Variants in PID1 observed in about 807,000 individuals in gnomAD.
PID1 encodes the protein phosphotyrosine interaction domain containing 1, also known as PTB-containing, cubilin and LRP1-interacting protein.
Under a neutral mutation model 19.1 loss-of-function variants are expected in PID1, and 10 were observed. That is an observed-to-expected ratio of 0.52 (90% confidence interval 0.32 to 0.89). The LOEUF is 0.89. Among genes scored for constraint, PID1 ranks in the 40% least tolerant of loss-of-function variants. The pLI, the probability that PID1 is intolerant of heterozygous loss-of-function variation, is 0.03. For missense variants in PID1, 248 were observed against 285.3 expected, an observed-to-expected ratio of 0.87 and a Z score of 0.94; for synonymous variants, 130 against 116.0, an observed-to-expected ratio of 1.12 and a Z score of -0.78.
chr2:229,067,150 C>A (rs1425375928), intron 2 of PID1, among the ~76,000 whole-genome samples: 1 of 152,000 alleles, frequency 6.6e-6, no homozygotes, highest in Non-Finnish European at 1.5e-5. Flanking sequence ...GGAAAATCCC[C>A]TTACAAAACC....
chr2:229,120,372 T>TA (rs1161054082), intron 2 of PID1, among the ~76,000 whole-genome samples: 1 of 152,012 alleles, frequency 6.6e-6, no homozygotes, highest in Non-Finnish European at 1.5e-5. Context: ...GAAATGCTAT[T>TA]AAAAAATCAT....
chr2:229,256,836 C>T (rs889231037), intron 1 of PID1, among the ~76,000 whole-genome samples: 8 of 152,302 alleles, frequency 5.3e-5, no homozygotes, highest in South Asian at 2.1e-4. Flanking sequence ...TTAACATTCA[C>T]GGCAACCAGG....
Position 229,250,628 on chromosome 2 carries a change from C to T in PID1, c.30+20386G>A, listed in dbSNP as rs553528165. ...CTCGTTTTCCTTATTGACAGAACTC[C>T]GATTTGGTTGGGGGCAAAAAAGTGC... On this transcript the variant is annotated intron_variant, in intron 1 of 2. Coordinates refer to ENST00000392055, the MANE Select transcript of PID1 (RefSeq NM_001100818.2). Among the ~76,000 whole-genome samples the T allele has an allele frequency of 7.4e-4, 112 of 152,274 alleles. No homozygotes were observed. The Middle Eastern group carries it at 0.02, about 28-fold the overall frequency.
chr2:229,235,341 A>G (rs1692302052), intron 1 of PID1, among the ~76,000 whole-genome samples: 1 of 152,216 alleles, frequency 6.6e-6, no homozygotes, highest in African/African-American at 2.4e-5. Context: ...TGTGGTCCTG[A>G]AAGTTTGCAC....
intron 2 of PID1, among the ~76,000 whole-genome samples, chr2:229,106,633 T>C (rs1318516343): frequency 6.6e-6 from 1 of 152,202 alleles, no homozygotes; most frequent in Admixed American, 6.5e-5. Context: ...GAAGGCGCCA[T>C]CTATGAAGCA....
At chr2:229,153,432 A>T (rs7606574) in intron 2 of PID1, among the ~76,000 whole-genome samples, 88,114 of 151,918 alleles carry the variant, frequency 0.58, 26,409 homozygotes, top group East Asian at 0.88. Flanking sequence ...CATAAACTTT[A>T]TATAGCCCGG....
chr2:229,195,722 G>C (rs1691365204), intron 1 of PID1, among the ~76,000 whole-genome samples: 1 of 151,906 alleles, frequency 6.6e-6, no homozygotes, highest in Non-Finnish European at 1.5e-5. Flanking sequence ...AGTGTTTCAT[G>C]GTTTACTAAA....
intron 2 of PID1, among the ~76,000 whole-genome samples, chr2:229,033,107 G>A (rs879315191): frequency 9.2e-5 from 14 of 152,132 alleles, no homozygotes; most frequent in Non-Finnish European, 1.8e-4. Flanking sequence ...TGTTTCCCCT[G>A]GTGGCCGGTC....
chr2:229,163,686 T>TGCGCGCGC (rs139467763), intron 1 of PID1, among the ~76,000 whole-genome samples: 2 of 124,902 alleles, frequency 1.6e-5, no homozygotes, highest in Admixed American at 7.6e-5. Flanking sequence ...CGTGTGCGTG[T>TGCGCGCGC]GTGTGTGTGT....
At chr2:229,256,513 C>T (rs531393844) in intron 1 of PID1, among the ~76,000 whole-genome samples, 1 of 152,332 alleles carries the variant, frequency 6.6e-6, no homozygotes, top group Non-Finnish European at 1.5e-5. Context: ...CACTTGGAAA[C>T]TCCCAGGGCA....
intron 2 of PID1, among the ~76,000 whole-genome samples, chr2:229,068,321 C>T (rs1369701946): frequency 6.6e-6 from 1 of 152,122 alleles, no homozygotes; most frequent in African/African-American, 2.4e-5. Context: ...GTCTTTAATG[C>T]TTGGCTCATG....
intron 2 of PID1, among the ~76,000 whole-genome samples, chr2:229,082,161 C>G (rs1694680959): frequency 6.6e-6 from 1 of 152,188 alleles, no homozygotes. Context: ...TCAAGTTTAT[C>G]AATGATTCAG....
chr2:229,065,712 C>CAAAAAAAAAAAAAA (rs71988256), intron 2 of PID1, among the ~76,000 whole-genome samples: 74 of 103,936 alleles, frequency 7.1e-4, no homozygotes, highest in African/African-American at 2.5e-3. Flanking sequence ...TTGTGATTTA[C>CAAAAAAAAAAAAAA]AAAAAAAAAA....
At chr2:229,109,450 G>A (rs1317075185) in intron 2 of PID1, among the ~76,000 whole-genome samples, 2 of 152,104 alleles carry the variant, frequency 1.3e-5, no homozygotes, top group African/African-American at 4.8e-5. Context: ...GCTGTGGTGC[G>A]GAATCCCACA....
intron 2 of PID1, among the ~76,000 whole-genome samples, chr2:229,094,701 A>T (rs2106222415): frequency 6.6e-6 from 1 of 152,272 alleles, no homozygotes; most frequent in Non-Finnish European, 1.5e-5. Flanking sequence ...ACCCTATTCA[A>T]TAAATGGTGA....
chr2:229,226,295 C>T (rs1258068108), intron 1 of PID1, among the ~76,000 whole-genome samples: 1 of 152,190 alleles, frequency 6.6e-6, no homozygotes, highest in Non-Finnish European at 1.5e-5. Flanking sequence ...TCACACTTCC[C>T]AACTTTCCAG....
chr2:229,126,282 T>C (rs144590624), intron 2 of PID1, among the ~76,000 whole-genome samples: 1 of 152,158 alleles, frequency 6.6e-6, no homozygotes, highest in Non-Finnish European at 1.5e-5. Flanking sequence ...TAAAAATGCA[T>C]TTGGAGCCAA....
chr2:229,036,602 G>A (rs1175122694), intron 2 of PID1, among the ~76,000 whole-genome samples: 4 of 152,088 alleles, frequency 2.6e-5, no homozygotes, highest in African/African-American at 9.7e-5. Flanking sequence ...ACAAAAATTA[G>A]CTGGGTGTGG....
Position 229,026,058 on chromosome 2 carries a change from G to T in PID1, c.228C>A (p.Gly76=). The T allele has an allele frequency of 6.2e-7, 1 of 1,614,164 alleles. No individual in the cohort carries two copies. Among genetic ancestry groups the T allele is most frequent in the Admixed American group, 1.7e-5 (1 of 60,026 alleles). The stretch of plus-strand genomic sequence containing the variant: ...GCTCAATGACTGGCTTTTCTGTGCA[G>T]CCTGACAAAAACTGCATGCCAGTGG... The part of the protein sequence containing the change: ...VSTTGMQFLS[G]CTEKPVIELW... Residue 76 remains glycine (G), a synonymous_variant, in exon 3 of 3, where the codon GGC becomes GGA. Coordinates refer to ENST00000392055, the MANE Select transcript of PID1 (RefSeq NM_001100818.2).
Sources: allele counts gnomAD v4.1 joint callset (sites outside exome capture counted in the v4.1 genomes callset), GRCh38; gene constraint gnomAD v4.1.1; transcripts MANE v1.5; gene names NCBI Gene and HGNC (gene_info 2026-07-23, HGNC 2026-07-21).